NEBL: variants seen among roughly 807,000 people sequenced by gnomAD.
The protein encoded by NEBL is nebulette.
In NEBL, 122 loss-of-function variants were observed where a neutral mutation model predicts 140.2. That is an observed-to-expected ratio of 0.87 (90% CI 0.75 to 1.01). NEBL has a LOEUF of 1.01. Among genes scored for constraint, NEBL ranks in the 50% least tolerant of loss-of-function variants. NEBL has a pLI of 0.00. For missense variants in NEBL, 1,365 were observed against 1,231.3 expected (o/e 1.11, Z -1.62); for synonymous variants, 436 against 398.9 (o/e 1.09, Z -1.11).
chr10:20,851,702 T>C (rs1000532063), intron 10 of NEBL, among the ~76,000 whole-genome samples: 1 of 151,872 alleles, frequency 6.6e-6, no homozygotes, highest in Non-Finnish European at 1.5e-5. Context: ...GGAGAATCGC[T>C]TGAACCCAGG....
At chr10:21,253,537 C>T (rs1304430719) in intron 1 of NEBL, among the ~76,000 whole-genome samples, 2 of 138,900 alleles carry the variant, frequency 1.4e-5, no homozygotes, top group Non-Finnish European at 3.0e-5. Flanking sequence ...ACTTTTTAAA[C>T]CTCTTTTTTT....
chr10:21,074,796 TTG>T (rs567433054), intron 2 of NEBL, among the ~76,000 whole-genome samples: 21 of 79,732 alleles, frequency 2.6e-4, no homozygotes, highest in African/African-American at 1.6e-3. Context: ...ATATATATTT[TTG>T]TTGTTGTTGT....
intron 4 of NEBL, among the ~76,000 whole-genome samples, chr10:20,883,366 G>C (rs1403026023): frequency 6.6e-6 from 1 of 152,168 alleles, no homozygotes; most frequent in Admixed American, 6.5e-5. Context: ...CATCTTGTTA[G>C]AGTCTGTCCA....
chr10:21,221,016 C>T (rs1842058906), intron 3 of NEBL, among the ~76,000 whole-genome samples: 2 of 152,106 alleles, frequency 1.3e-5, no homozygotes, highest in Admixed American at 6.6e-5. Flanking sequence ...ATTAGCCAGG[C>T]GTAGTGGCAT....
chr10:20,984,368 A>G (rs1049705715), intron 3 of NEBL, among the ~76,000 whole-genome samples: 1 of 152,206 alleles, frequency 6.6e-6, no homozygotes, highest in Admixed American at 6.5e-5. Flanking sequence ...TAAATAATCT[A>G]GAGGAATGGA....
intron 4 of NEBL, among the ~76,000 whole-genome samples, chr10:20,884,663 T>A (rs1300828008): frequency 6.6e-6 from 1 of 152,254 alleles, no homozygotes; most frequent in African/African-American, 2.4e-5. Context: ...AATGTGCTGT[T>A]AACCCCATAG....
chr10:21,169,344 TG>T (rs945099951), intron 2 of NEBL, among the ~76,000 whole-genome samples: 4 of 151,968 alleles, frequency 2.6e-5, no homozygotes, highest in Non-Finnish European at 4.4e-5. Flanking sequence ...TTGCATTACA[TG>T]GAAAGCAAAT....
chr10:21,049,118 C>T (rs575502034), intron 2 of NEBL, among the ~76,000 whole-genome samples: 108 of 152,304 alleles, frequency 7.1e-4, no homozygotes, highest in African/African-American at 2.6e-3. Flanking sequence ...GAGACTTACC[C>T]ACATTATGAA....
chr10:21,003,000 T>G (rs1837971258), intron 3 of NEBL, among the ~76,000 whole-genome samples: 1 of 77,646 alleles, frequency 1.3e-5, no homozygotes, highest in South Asian at 6.3e-4. Context: ...TTTCATTATG[T>G]GGCTTTTTTT....
intron 4 of NEBL, among the ~76,000 whole-genome samples, chr10:20,915,325 T>C (rs1399117462): frequency 6.6e-6 from 1 of 151,590 alleles, no homozygotes; most frequent in African/African-American, 2.4e-5. Context: ...TACATATGTA[T>C]ACATGTGCCA....
At chr10:21,253,033 G>A (rs1435249660) in intron 1 of NEBL, among the ~76,000 whole-genome samples, 1 of 152,180 alleles carries the variant, frequency 6.6e-6, no homozygotes, top group Non-Finnish European at 1.5e-5. Flanking sequence ...AGGCTGAGGA[G>A]GGTGGATCAC....
At chr10:21,185,770 T>C (rs1331225975) in intron 3 of NEBL, among the ~76,000 whole-genome samples, 2 of 152,184 alleles carry the variant, frequency 1.3e-5, no homozygotes, top group Non-Finnish European at 1.5e-5. Flanking sequence ...AGTGTTGGGA[T>C]TACAGGCGTG....
intron 3 of NEBL, among the ~76,000 whole-genome samples, chr10:21,186,975 G>A (rs1841483275): frequency 6.7e-6 from 1 of 149,348 alleles, no homozygotes; most frequent in East Asian, 2.0e-4. Context: ...CAGATACAGA[G>A]GGCCAACTCT....
chr10:21,001,193 C>A (rs10828171), intron 3 of NEBL, among the ~76,000 whole-genome samples: 1 of 152,056 alleles, frequency 6.6e-6, no homozygotes, highest in Admixed American at 6.5e-5. Flanking sequence ...TCCAGCCAGC[C>A]GACAGACCGC....
intron 5 of NEBL, among the ~76,000 whole-genome samples, chr10:20,870,726 C>T (rs898351717): frequency 6.6e-6 from 1 of 152,222 alleles, no homozygotes; most frequent in African/African-American, 2.4e-5. Flanking sequence ...ATTGGAATGA[C>T]TTGAGCCTCC....
intron 2 of NEBL, among the ~76,000 whole-genome samples, chr10:21,166,454 C>T (rs1306739404): frequency 6.6e-6 from 1 of 152,010 alleles, no homozygotes; most frequent in African/African-American, 2.4e-5. Flanking sequence ...CGGTATAAAC[C>T]TTTTAATAGG....
At chr10:21,070,165 G>A in intron 2 of NEBL, 1 of 353,450 alleles carries the variant, frequency 2.8e-6, no homozygotes, top group Non-Finnish European at 5.7e-6. Flanking sequence ...CCAGGACACT[G>A]GGGCTAAATA....
rs59338756 is a variant in NEBL, at chr10:21,270,368, AT to A, written n.183-18541del. Among the ~76,000 whole-genome samples the A allele has an allele frequency of 7.5e-3, 1,084 of 144,240 alleles. 3 individuals carry two copies. The highest frequency in any genetic ancestry group is 0.025 in the Middle Eastern group (7 of 278). The allele number at this position is 144,240 out of a possible 152,430, so 94.6% of individuals were successfully genotyped here. A position where few individuals can be genotyped will look rare whatever the true frequency, so the allele number is the denominator to read the frequency against. On this transcript the variant is annotated intron_variant and non_coding_transcript_variant, in intron 1 of 8. Transcript: ENST00000675702. Reference sequence around the variant, plus strand: ...GATAGAGTCTGAGACTATTTTCCATATTTTTTTTTTTTTTTTGAGACAGAGT... The same window carrying A: ...GATAGAGTCTGAGACTATTTTCCATATTTTTTTTTTTTTTTGAGACAGAGT...
intron 2 of NEBL, among the ~76,000 whole-genome samples, chr10:20,890,399 GA>G (rs1846931549): frequency 6.6e-6 from 1 of 152,216 alleles, no homozygotes; most frequent in South Asian, 2.1e-4. Context: ...TTAAGAAGTA[GA>G]GGCGAAATTA....
Sources: gnomAD v4.1 joint callset for allele counts (sites outside exome capture counted in the v4.1 genomes callset) on GRCh38, gnomAD v4.1.1 for gene constraint, MANE v1.5 for transcripts, NCBI Gene and HGNC (gene_info 2026-07-23, HGNC 2026-07-21) for gene names.